Variants in CSMD3 observed in about 807,000 individuals in gnomAD.
CSMD3 encodes the protein CUB and Sushi multiple domains 3.
CSMD3 carries 177 observed loss-of-function variants against 435.2 expected under a neutral mutation model. The observed-to-expected ratio is 0.41, with a 90% CI of 0.36 to 0.46. CSMD3 has a LOEUF of 0.46. CSMD3 is among the 20% of genes least tolerant of loss of function. The pLI is 0.34. For synonymous variants in CSMD3, 1,656 were observed against 1,520.5 expected (o/e 1.09, Z -2.07); for missense variants, 4,265 against 4,504.6 (o/e 0.95, Z 1.52).
chr8:112,608,300 G>A (rs923244138), intron 22 of CSMD3, among the ~76,000 whole-genome samples: 1 of 151,974 alleles, frequency 6.6e-6, no homozygotes, highest in African/African-American at 2.4e-5. Context: ...AAAAATTGAA[G>A]CTATGAAAAA....
rs1817687976 is a variant in CSMD3, at chr8:112,273,214, T to C, written c.9509-7624A>G. On this transcript the variant is annotated intron_variant, in intron 59 of 70. Coordinates refer to ENST00000297405, the MANE Select transcript of CSMD3 (RefSeq NM_198123.2). ...TTTATTTATTTTTATTTCACTAAAA[T>C]TGGAAGACAGCTGTAAATAAAAGAT... 2.6e-5 allele frequency among the ~76,000 whole-genome samples: 4 copies of C among 152,134 alleles called. No individual in the cohort carries two copies. In the South Asian group the frequency reaches 8.3e-4, roughly 31 times the overall value.
intron 6 of CSMD3, among the ~76,000 whole-genome samples, chr8:113,000,232 C>T (rs539427052): frequency 6.6e-6 from 1 of 152,100 alleles, no homozygotes; most frequent in East Asian, 1.9e-4. Flanking sequence ...TTAAATAATA[C>T]ATGAACTGAG....
intron 1 of CSMD3, among the ~76,000 whole-genome samples, chr8:113,428,260 C>CTATT (rs1323086138): frequency 5.4e-5 from 8 of 148,896 alleles, no homozygotes; most frequent in Non-Finnish European, 1.2e-4. Context: ...ATCTATCTAT[C>CTATT]TTTCTGTCTA....
intron 24 of CSMD3, among the ~76,000 whole-genome samples, chr8:112,563,438 C>A (rs1292188462): frequency 1.3e-5 from 2 of 150,204 alleles, no homozygotes; most frequent in Non-Finnish European, 3.0e-5. Context: ...GCTTTCATTC[C>A]TACATATAAA....
At chr8:113,224,724 T>C (rs897562389) in intron 3 of CSMD3, among the ~76,000 whole-genome samples, 5 of 151,212 alleles carry the variant, frequency 3.3e-5, no homozygotes, top group Non-Finnish European at 5.9e-5. Flanking sequence ...ACCACCTGTG[T>C]CTTCCAACAT....
At chr8:112,608,895 T>G (rs185310746) in intron 22 of CSMD3, among the ~76,000 whole-genome samples, 348 of 152,024 alleles carry the variant, frequency 2.3e-3, no homozygotes, top group African/African-American at 8.0e-3. Flanking sequence ...TTAACACTTC[T>G]AATAGAAAAC....
intron 4 of CSMD3, among the ~76,000 whole-genome samples, chr8:113,102,630 T>C (rs1227615806): frequency 1.3e-5 from 2 of 152,122 alleles, no homozygotes; most frequent in African/African-American, 4.8e-5. Flanking sequence ...GAGGAAGTGA[T>C]GCTGGACCAG....
At chr8:113,117,756 C>T (rs1463581493) in intron 4 of CSMD3, among the ~76,000 whole-genome samples, 2 of 152,198 alleles carry the variant, frequency 1.3e-5, no homozygotes, top group Non-Finnish European at 2.9e-5. Flanking sequence ...ATCAGCATGA[C>T]CTAGATGTGA....
intron 27 of CSMD3, among the ~76,000 whole-genome samples, chr8:112,543,423 G>A (rs1649439157): frequency 1.3e-5 from 2 of 152,050 alleles, no homozygotes; most frequent in South Asian, 4.1e-4. Context: ...AACAGTCAAA[G>A]GTCTTGAATA....
rs146193288 is a variant in CSMD3, at chr8:113,389,912, A to G, written c.178+46765T>C. Among the ~76,000 whole-genome samples the G allele has an allele frequency of 3.0e-3, 458 of 151,894 alleles. 2 individuals carry two copies. Among genetic ancestry groups the G allele is most frequent in the Middle Eastern group, 0.01 (3 of 294 alleles). On this transcript the variant is annotated intron_variant, in intron 1 of 70. Coordinates refer to ENST00000297405, the MANE Select transcript of CSMD3 (RefSeq NM_198123.2). ...TGAATATTAAATGATACTATATAGCATTTAGCATAGTGACTGACTCAGTAT... is the reference window on the plus strand; with the variant it reads ...TGAATATTAAATGATACTATATAGCGTTTAGCATAGTGACTGACTCAGTAT...
chr8:112,375,626 AT>A, intron 38 of CSMD3, among the ~76,000 whole-genome samples: 1 of 152,262 alleles, frequency 6.6e-6, no homozygotes, highest in South Asian at 2.1e-4. Flanking sequence ...AGTTTAAAAA[AT>A]ATTATATATA....
intron 10 of CSMD3, among the ~76,000 whole-genome samples, chr8:112,869,904 G>A (rs2081083621): frequency 6.6e-6 from 1 of 152,054 alleles, no homozygotes; most frequent in Non-Finnish European, 1.5e-5. Context: ...AGGGGAGGGA[G>A]AGCATTAGGA....
At chr8:112,634,813 T>G (rs543013433) in intron 22 of CSMD3, among the ~76,000 whole-genome samples, 4 of 152,024 alleles carry the variant, frequency 2.6e-5, no homozygotes, top group Non-Finnish European at 5.9e-5. Context: ...AAATGTTAGT[T>G]CTCTATGATA....
rs559236766 is a variant in CSMD3, at chr8:112,615,671, A to C, written c.3715+21146T>G. Among the ~76,000 whole-genome samples the C allele has an allele frequency of 1.2e-3, 190 of 152,246 alleles. 1 individual carries two copies. The highest frequency in any genetic ancestry group is 4.4e-3 in the African/African-American group (184 of 41,558). On this transcript the variant is annotated intron_variant, in intron 22 of 70. Coordinates refer to ENST00000297405, the MANE Select transcript of CSMD3 (RefSeq NM_198123.2). ...CCAAACATGGCTCTTAAAGAAAGAC[A>C]AAATTGTAACCTATATACTATAAAC... is the stretch of plus-strand genomic sequence containing the variant.
intron 1 of CSMD3, among the ~76,000 whole-genome samples, chr8:113,361,588 T>A (rs2094276970): frequency 6.6e-6 from 1 of 152,102 alleles, no homozygotes; most frequent in East Asian, 1.9e-4. Flanking sequence ...AGACAGTGTA[T>A]CATTATTATA....
At chr8:113,366,465 T>G (rs919721097) in intron 1 of CSMD3, among the ~76,000 whole-genome samples, 15 of 152,084 alleles carry the variant, frequency 9.9e-5, no homozygotes, top group Non-Finnish European at 1.8e-4. Context: ...TGTATTTGAT[T>G]TAAAAGGTTG....
chr8:113,065,652 T>A (rs2088822995), intron 5 of CSMD3, among the ~76,000 whole-genome samples: 1 of 152,072 alleles, frequency 6.6e-6, no homozygotes, highest in Non-Finnish European at 1.5e-5. Flanking sequence ...GCTCCCGAAG[T>A]GCTGGGATTA....
At chr8:113,329,219 A>ATAAATAAATAAAT (rs2094008531) in intron 1 of CSMD3, among the ~76,000 whole-genome samples, 1 of 150,794 alleles carries the variant, frequency 6.6e-6, no homozygotes, top group African/African-American at 2.4e-5. Flanking sequence ...AAATAAATAA[A>ATAAATAAATAAAT]TAAATAAATA....
chr8:112,602,957 A>AGGC (rs1832491447), intron 22 of CSMD3, among the ~76,000 whole-genome samples: 1 of 152,168 alleles, frequency 6.6e-6, no homozygotes, highest in South Asian at 2.1e-4. Context: ...TCTGTCATAC[A>AGGC]GGCTGGAGTG....
Sources: allele counts gnomAD v4.1 joint callset (sites outside exome capture counted in the v4.1 genomes callset), GRCh38; gene constraint gnomAD v4.1.1; transcripts MANE v1.5; gene names NCBI Gene and HGNC (gene_info 2026-07-23, HGNC 2026-07-21).